NTM: variants seen among roughly 807,000 people sequenced by gnomAD.
NTM encodes the protein IgLON family member 2.
NTM carries 13 observed loss-of-function variants against 42.1 expected under a neutral mutation model. The observed-to-expected ratio is 0.31, with a 90% CI of 0.20 to 0.49. The LOEUF (loss-of-function observed/expected upper bound fraction) is 0.49, where lower values mean the gene tolerates loss of function less well. Among genes scored for constraint, NTM ranks in the 20% least tolerant of loss-of-function variants. The pLI, the probability that NTM is intolerant of heterozygous loss-of-function variation, is 0.99. For missense variants in NTM, 373 were observed against 452.8 expected, an observed-to-expected ratio of 0.82 and a Z score of 1.60; for synonymous variants, 187 against 179.2, an observed-to-expected ratio of 1.04 and a Z score of -0.35.
chr11:131,558,654 T>C (rs1335616142), intron 1 of NTM, among the ~76,000 whole-genome samples: 1 of 152,212 alleles, frequency 6.6e-6, no homozygotes, highest in Non-Finnish European at 1.5e-5. Flanking sequence ...AATGTCCTAG[T>C]AACCCAGGCA....
chr11:131,884,175 T>A (rs761729826), intron 1 of NTM, among the ~76,000 whole-genome samples: 1 of 152,126 alleles, frequency 6.6e-6, no homozygotes. Context: ...TTTGGGAGGC[T>A]GAGGCGGGCA....
At chr11:132,229,559 G>C (rs558143569) in intron 4 of NTM, among the ~76,000 whole-genome samples, 1 of 152,214 alleles carries the variant, frequency 6.6e-6, no homozygotes, top group Admixed American at 6.5e-5. Flanking sequence ...ACAACTGTCT[G>C]CAGTTAGTAT....
At chr11:131,593,913 C>T (rs2059599065) in intron 1 of NTM, among the ~76,000 whole-genome samples, 2 of 152,158 alleles carry the variant, frequency 1.3e-5, no homozygotes, top group Admixed American at 1.3e-4. Context: ...TTATTTCCCC[C>T]TTGTGGTGCC....
At chr11:132,240,624 C>T (rs1479005770) in intron 4 of NTM, among the ~76,000 whole-genome samples, 1 of 152,194 alleles carries the variant, frequency 6.6e-6, no homozygotes, top group East Asian at 1.9e-4. Flanking sequence ...ACGCATTTGC[C>T]AGAAAAATGC....
At chr11:132,275,803 A>C (rs974543461) in intron 4 of NTM, among the ~76,000 whole-genome samples, 2 of 141,264 alleles carry the variant, frequency 1.4e-5, no homozygotes, top group African/African-American at 5.2e-5. Context: ...TAGTATAGCC[A>C]TCGCCTCATG....
chr11:131,430,015 T>G (rs967228119), intron 1 of NTM, among the ~76,000 whole-genome samples: 5 of 152,174 alleles, frequency 3.3e-5, no homozygotes, highest in African/African-American at 9.7e-5. Context: ...ATGAAGCACT[T>G]AAGTTTTGCT....
intron 4 of NTM, among the ~76,000 whole-genome samples, chr11:132,246,311 A>C (rs920384675): frequency 6.6e-6 from 1 of 152,246 alleles, no homozygotes; most frequent in Admixed American, 6.5e-5. Context: ...ACACAATCGC[A>C]CAGTGAAAGT....
chr11:131,508,826 A>G (rs1419740979), intron 1 of NTM, among the ~76,000 whole-genome samples: 3 of 146,638 alleles, frequency 2.0e-5, no homozygotes, highest in Admixed American at 6.8e-5. Context: ...ATAGGTGGGA[A>G]TTGAACAATG....
intron 2 of NTM, among the ~76,000 whole-genome samples, chr11:131,993,963 A>T (rs911453336): frequency 3.9e-4 from 58 of 149,398 alleles, no homozygotes; most frequent in South Asian, 4.2e-4. Context: ...AGATCATGCC[A>T]TTGTACTCCA....
chr11:131,759,650 T>G (rs992162505), intron 1 of NTM, among the ~76,000 whole-genome samples: 2 of 152,160 alleles, frequency 1.3e-5, no homozygotes, highest in Non-Finnish European at 2.9e-5. Flanking sequence ...GGGAAGCTAG[T>G]TGCCTGAAAG....
In NTM at chr11:132,014,954, A is replaced by G. The variant is rs76812855; in HGVS notation, c.167+103306A>G. On this transcript the variant is annotated intron_variant, in intron 2 of 8. Coordinates refer to ENST00000683400, the MANE Select transcript of NTM (RefSeq NM_001352005.2). Reference sequence around the variant, plus strand: ...TCTGTGCTTTTGAGATCTTAGCCATATAATTCTTGTCTAGACCACTGTCCT... The same window carrying G: ...TCTGTGCTTTTGAGATCTTAGCCATGTAATTCTTGTCTAGACCACTGTCCT... Among the ~76,000 whole-genome samples the G allele has an allele frequency of 9.6e-3, 1,463 of 151,864 alleles. 12 individuals carry two copies. Among genetic ancestry groups the G allele is most frequent in the Non-Finnish European group, 0.015 (984 of 67,826 alleles).
intron 2 of NTM, among the ~76,000 whole-genome samples, chr11:132,060,549 C>T (rs986793616): frequency 2.6e-5 from 4 of 152,284 alleles, no homozygotes; most frequent in Non-Finnish European, 5.9e-5. Context: ...TTGGTAAACA[C>T]GCACAATAAA....
At chr11:131,995,121 T>C (rs1406293476) in intron 2 of NTM, among the ~76,000 whole-genome samples, 1 of 152,140 alleles carries the variant, frequency 6.6e-6, no homozygotes, top group East Asian at 1.9e-4. Context: ...CACCTTTCTA[T>C]CTCCTTTAAG....
rs1485376200 is a variant in NTM, at chr11:132,146,679, T to G, written c.400+165T>G. ...CATTTTGCAGTTAGAAGCTAAATTTTCCAGTCATTTTCATTGAGTGGAACT... is the reference window on the plus strand; with the variant it reads ...CATTTTGCAGTTAGAAGCTAAATTTGCCAGTCATTTTCATTGAGTGGAACT... On this transcript the variant is annotated intron_variant, in intron 3 of 8. Transcript: ENST00000683400. The surrounding 1 kb of genome is among the most constrained non-coding windows in gnomAD (Gnocchi z 4.5). 1.6e-6 allele frequency: 1 copy of G among 621,116 alleles called. No individual in the cohort carries two copies. Among genetic ancestry groups the G allele is most frequent in the Non-Finnish European group, 2.6e-6 (1 of 380,236 alleles). The allele number at this position is 621,116 out of a possible 1,614,324, so 38.5% of individuals were successfully genotyped here. A position where few individuals can be genotyped will look rare whatever the true frequency, so the allele number is the denominator to read the frequency against.
intron 4 of NTM, among the ~76,000 whole-genome samples, chr11:132,221,484 C>T (rs769836542): frequency 6.6e-6 from 1 of 152,070 alleles, no homozygotes. Flanking sequence ...GCCAGGTAGT[C>T]GGTCTGTCCC....
chr11:132,046,387 A>AAAAAG (rs200887310), intron 2 of NTM, among the ~76,000 whole-genome samples: 1 of 95,084 alleles, frequency 1.1e-5, no homozygotes, highest in African/African-American at 5.1e-5. Context: ...AAAGGAAAAG[A>AAAAAG]AAAAAAAAAA....
intron 1 of NTM, among the ~76,000 whole-genome samples, chr11:131,629,450 C>A (rs1484419927): frequency 1.3e-5 from 2 of 152,124 alleles, no homozygotes; most frequent in Non-Finnish European, 2.9e-5. Flanking sequence ...AGCTTTATAT[C>A]CTTACATGAA....
chr11:131,963,519 G>C (rs1401129008), intron 2 of NTM, among the ~76,000 whole-genome samples: 3 of 152,192 alleles, frequency 2.0e-5, no homozygotes, highest in African/African-American at 7.2e-5. Flanking sequence ...AATATGTGCA[G>C]AAATGCAAGA....
chr11:132,251,357 G>T (rs1440755423), intron 4 of NTM, among the ~76,000 whole-genome samples: 5 of 152,172 alleles, frequency 3.3e-5, no homozygotes, highest in Admixed American at 3.3e-4. Flanking sequence ...TTAATTTAGG[G>T]TCTGGTAATT....
Sources: allele counts gnomAD v4.1 joint callset (sites outside exome capture counted in the v4.1 genomes callset), GRCh38; gene constraint gnomAD v4.1.1; non-coding constraint Gnocchi (gnomAD v3.1); transcripts MANE v1.5; gene names NCBI Gene and HGNC (gene_info 2026-07-23, HGNC 2026-07-21).